GPR137C: variants seen among roughly 807,000 people sequenced by gnomAD.
The protein encoded by GPR137C is G protein-coupled receptor 137C.
In GPR137C, 27 loss-of-function variants were observed where a neutral mutation model predicts 43.4. The ratio of observed to expected loss-of-function variants is 0.62; its 90% CI spans 0.46 to 0.86. The LOEUF is 0.86. Among genes scored for constraint, GPR137C ranks in the 40% least tolerant of loss-of-function variants. GPR137C has a pLI of 0.00. For synonymous variants in GPR137C, 285 were observed against 226.9 expected (o/e 1.26, Z -2.30); for missense variants, 522 against 534.6 (o/e 0.98, Z 0.23).
intron 6 of GPR137C, among the ~76,000 whole-genome samples, chr14:52,634,541 A>T: frequency 6.6e-6 from 1 of 152,148 alleles, no homozygotes. Flanking sequence ...CCTGCTTTTC[A>T]TCTGTAAGAC....
In GPR137C at chr14:52,598,335, A is replaced by G. The variant is rs369423966; in HGVS notation, c.488+20A>G. ...ACACAAGTAAGTTTTATGAGTATCT[A>G]AATTTCTATCTAAAAGATCTAAAGC... On this transcript the variant is annotated intron_variant, in intron 2 of 6. Transcript: ENST00000321662. The G allele has an allele frequency of 2.1e-5, 23 of 1,115,848 alleles. No individual in the cohort carries two copies. In the African/African-American group the frequency reaches 3.6e-4, roughly 18 times the overall value. 69.1% of individuals were successfully genotyped at this position (1,115,848 alleles called of 1,614,324 possible).
chr14:52,607,948 T>A (rs544185153), intron 3 of GPR137C, among the ~76,000 whole-genome samples: 1 of 152,346 alleles, frequency 6.6e-6, no homozygotes, highest in East Asian at 1.9e-4. Context: ...CTTTTTGGTT[T>A]CCATTTGCAT....
chr14:52,587,725 G>A lies in GPR137C; in HGVS notation c.445-10547G>A, dbSNP rs141886690. ...GTGGATGTTGCAGTGAGCCAAGATC[G>A]TGCCAGTGCACTCCAGCCTGGGTAA... On this transcript the variant is annotated intron_variant, in intron 1 of 6. Coordinates refer to ENST00000321662, the MANE Select transcript of GPR137C (RefSeq NM_001099652.2). Among the ~76,000 whole-genome samples, 815 of 152,296 alleles carry A rather than the reference G, an allele frequency of 5.4e-3. 1 individual carries two copies. Among genetic ancestry groups the A allele is most frequent in the Non-Finnish European group, 8.4e-3 (569 of 68,008 alleles).
chr14:52,565,460 G>C (rs143959957), intron 1 of GPR137C, among the ~76,000 whole-genome samples: 33 of 152,260 alleles, frequency 2.2e-4, no homozygotes, highest in Middle Eastern at 3.4e-3. Flanking sequence ...CAAATGTGTA[G>C]AAAGTACCAT....
At chr14:52,589,338 C>T (rs1404341861) in intron 1 of GPR137C, among the ~76,000 whole-genome samples, 1 of 152,108 alleles carries the variant, frequency 6.6e-6, no homozygotes, top group Admixed American at 6.5e-5. Flanking sequence ...TGTGAATGTA[C>T]TTAATGCCAC....
intron 1 of GPR137C, among the ~76,000 whole-genome samples, chr14:52,596,325 C>T (rs545264646): frequency 2.6e-5 from 4 of 152,322 alleles, no homozygotes; most frequent in South Asian, 2.1e-4. Context: ...GCTCAAACTC[C>T]GTGCTGGGAG....
chr14:52,574,621 G>T (rs1388471332), intron 1 of GPR137C, among the ~76,000 whole-genome samples: 1 of 152,154 alleles, frequency 6.6e-6, no homozygotes, highest in Non-Finnish European at 1.5e-5. Context: ...TAGATGACAG[G>T]TTGATGGGTG....
intron 1 of GPR137C, among the ~76,000 whole-genome samples, chr14:52,588,832 G>A (rs1207477894): frequency 6.6e-6 from 1 of 152,100 alleles, no homozygotes; most frequent in Non-Finnish European, 1.5e-5. Flanking sequence ...TTACATAGGA[G>A]AATTTTCATC....
At chr14:52,575,992 G>T (rs777211436) in intron 1 of GPR137C, among the ~76,000 whole-genome samples, 11 of 152,238 alleles carry the variant, frequency 7.2e-5, no homozygotes, top group Non-Finnish European at 1.6e-4. Flanking sequence ...TTTACTGGGG[G>T]TTGGTCATAT....
rs114474539 is a variant in GPR137C at position 52,608,138 on chromosome 14, C to T, written c.717+7797C>T. 4.6e-3 allele frequency among the ~76,000 whole-genome samples: 696 copies of T among 152,282 alleles called. 2 individuals are homozygous for T. Among genetic ancestry groups the T allele is most frequent in the African/African-American group, 0.016 (668 of 41,546 alleles). ...GTTACTATTGATATGTCAGGATTTA[C>T]TGCCATTTTTGCTTCTTTTCTAACT... On this transcript the variant is annotated intron_variant, in intron 3 of 6. Transcript: ENST00000321662.
At chr14:52,627,537 A>T (rs1594809165) in intron 3 of GPR137C, among the ~76,000 whole-genome samples, 1 of 152,160 alleles carries the variant, frequency 6.6e-6, no homozygotes, top group East Asian at 1.9e-4. Flanking sequence ...GACAATGCAG[A>T]TGATCTAAAT....
intron 3 of GPR137C, among the ~76,000 whole-genome samples, chr14:52,614,810 A>G (rs144888751): frequency 9.9e-5 from 15 of 152,272 alleles, no homozygotes; most frequent in Non-Finnish European, 2.1e-4. Flanking sequence ...TCAGATTATT[A>G]AATTTTTTTT....
intron 1 of GPR137C, among the ~76,000 whole-genome samples, chr14:52,555,975 GC>G (rs1223875042): frequency 6.6e-6 from 1 of 152,122 alleles, no homozygotes; most frequent in Admixed American, 6.5e-5. Context: ...CCAGATAACT[GC>G]AAGTATACTT....
chr14:52,629,760 G>A (rs1320962880), intron 3 of GPR137C, among the ~76,000 whole-genome samples: 1 of 151,848 alleles, frequency 6.6e-6, no homozygotes, highest in Non-Finnish European at 1.5e-5. Context: ...TGGGTTACAT[G>A]TGTGTATACA....
At chr14:52,574,107 T>A (rs1246948234) in intron 1 of GPR137C, among the ~76,000 whole-genome samples, 1 of 152,182 alleles carries the variant, frequency 6.6e-6, no homozygotes, top group Non-Finnish European at 1.5e-5. Flanking sequence ...AGGAACACTT[T>A]TACACTGTTG....
chr14:52,602,211 C>A (rs566832714), intron 3 of GPR137C, among the ~76,000 whole-genome samples: 2 of 151,864 alleles, frequency 1.3e-5, no homozygotes, highest in Admixed American at 6.6e-5. Context: ...TCATTTTTGA[C>A]TTTTGACTTC....
intron 1 of GPR137C, among the ~76,000 whole-genome samples, chr14:52,574,831 T>C (rs2065055): frequency 0.51 from 78,224 of 152,046 alleles, 21,199 homozygotes; most frequent in East Asian, 0.7. Context: ...TCTATTTCCT[T>C]TGGTGAATCT....
At chr14:52,619,333 G>A (rs1373990627) in intron 3 of GPR137C, among the ~76,000 whole-genome samples, 2 of 152,066 alleles carry the variant, frequency 1.3e-5, no homozygotes, top group African/African-American at 4.8e-5. Context: ...AGAGAGTGAT[G>A]GTAGAAAAAT....
intron 1 of GPR137C, among the ~76,000 whole-genome samples, chr14:52,574,162 G>A (rs929721058): frequency 7.2e-5 from 11 of 152,218 alleles, no homozygotes; most frequent in South Asian, 6.2e-4. Context: ...ACAGTGTGGC[G>A]ATTCCTCAAG....
Sources: gnomAD v4.1 joint callset for allele counts (sites outside exome capture counted in the v4.1 genomes callset) on GRCh38, gnomAD v4.1.1 for gene constraint, MANE v1.5 for transcripts, NCBI Gene and HGNC (gene_info 2026-07-23, HGNC 2026-07-21) for gene names.